Variants in CHD6 observed in about 807,000 individuals in gnomAD.
The protein encoded by CHD6 is chromodomain helicase DNA binding protein 6, also known as ATP-dependent chromatin remodeler CHD6.
CHD6 carries 50 observed loss-of-function variants against 276.9 expected under a neutral mutation model. That is an observed-to-expected ratio of 0.18 (90% CI 0.14 to 0.23). The LOEUF (loss-of-function observed/expected upper bound fraction) is 0.23. CHD6 is among the 10% of genes least tolerant of loss of function. The pLI is 1.00. For synonymous variants in CHD6, 1,173 were observed against 1,229.3 expected, an observed-to-expected ratio of 0.95 and a Z score of 0.96; for missense variants, 2,564 against 3,365.8, an observed-to-expected ratio of 0.76 and a Z score of 5.89.
chr20:41,536,590 A>G lies in CHD6; in HGVS notation c.34-3020T>C, dbSNP rs77597013. ...GAAAATCATCCAGAATAATGAGCGT[A>G]TCTGCTACAGAATCTTCTTCATCAG... On this transcript the variant is annotated intron_variant, in intron 2 of 36. Transcript: ENST00000373233. Among the ~76,000 whole-genome samples the G allele has an allele frequency of 1.1e-4, 17 of 152,380 alleles. No individual in the cohort carries two copies. The East Asian group carries it at 3.1e-3, about 28-fold the overall frequency.
Position 41,458,533 on chromosome 20 carries a change from T to C in CHD6, c.2665-1105A>G, listed in dbSNP as rs746010436. ...TCAACTCTGCAGTATTTGAATGGAC[T>C]GAAGGTATCAGTATGAACTCATGGT... On this transcript the variant is annotated intron_variant, in intron 17 of 36. Transcript: ENST00000373233. 4.5e-4 allele frequency among the ~76,000 whole-genome samples: 69 copies of C among 152,200 alleles called. 1 individual carries two copies. The highest frequency in any genetic ancestry group is 7.2e-4 in the Non-Finnish European group (49 of 68,042).
chr20:41,455,478 A>T (rs2048352957), intron 19 of CHD6, among the ~76,000 whole-genome samples: 1 of 152,230 alleles, frequency 6.6e-6, no homozygotes, highest in Admixed American at 6.5e-5. Flanking sequence ...GAAGTGCTCT[A>T]CAAGGGAATC....
At position 41,462,824 on chromosome 20, in the gene CHD6, T is replaced by C. The variant is rs373280956; in HGVS notation, c.2665-5396A>G. Reference sequence around the variant, plus strand: ...TGCATATTTATAGTCTCTCTTTCTGTGTGTATTCCAGCTATGTCCACTGAG... The same window carrying C: ...TGCATATTTATAGTCTCTCTTTCTGCGTGTATTCCAGCTATGTCCACTGAG... On this transcript the variant is annotated intron_variant, in intron 17 of 36. Transcript: ENST00000373233. Among the ~76,000 whole-genome samples the C allele has an allele frequency of 1.5e-3, 236 of 152,344 alleles. 2 individuals are homozygous for C. The highest frequency in any genetic ancestry group is 5.4e-3 in the African/African-American group (223 of 41,588).
At chr20:41,556,035 C>A (rs1370327368) in intron 1 of CHD6, among the ~76,000 whole-genome samples, 1 of 152,148 alleles carries the variant, frequency 6.6e-6, no homozygotes, top group African/African-American at 2.4e-5. Flanking sequence ...GGATCACTCG[C>A]GGTTAGGAGC....
Position 41,413,448 on chromosome 20 carries a change from G to A in CHD6, c.7007C>T (p.Thr2336Ile). The A allele has an allele frequency of 1.9e-6, 3 of 1,611,280 alleles. No individual in the cohort carries two copies. Among genetic ancestry groups the A allele is most frequent in the African/African-American group, 1.3e-5 (1 of 74,986 alleles). ...TGCCGTAGCTGGCTCAGGAGCCGAG[G>A]TGGCAGGCCCTGGCCCCTCAGGGTG... Reference protein sequence around the residue: ...TTHPEGPGPATSAPEPATAAS... With the variant: ...TTHPEGPGPAISAPEPATAAS... The change falls in exon 35 of 37, where the codon ACC becomes ATC. Residue 2336 changes from threonine to isoleucine, a missense_variant. By Grantham distance (89) the Thr-to-Ile change is moderately conservative (BLOSUM62 -1). Coordinates refer to ENST00000373233, the MANE Select transcript of CHD6 (RefSeq NM_032221.5).
In CHD6 at chr20:41,406,997, CAATGGTG is replaced by C. The variant is rs1419157019; in HGVS notation, c.7252-1515_7252-1509del. On this transcript the variant is annotated intron_variant, in intron 36 of 36. Transcript: ENST00000373233. ...TTTATCCCCTTCCCTTTGATTACAGCAATGGTGAAGCAAAATGTTCAGAGTGGCTTCA... is the reference window on the plus strand; with the variant it reads ...TTTATCCCCTTCCCTTTGATTACAGCAAGCAAAATGTTCAGAGTGGCTTCA... Among the ~76,000 whole-genome samples, 348 of 152,282 alleles carry C rather than the reference CAATGGTG, an allele frequency of 2.3e-3. 1 individual carries two copies. Among genetic ancestry groups the C allele is most frequent in the African/African-American group, 7.8e-3 (323 of 41,562 alleles).
Position 41,556,000 on chromosome 20 carries a change from G to A in CHD6, c.-23-4640C>T, listed in dbSNP as rs1051124294. Among the ~76,000 whole-genome samples the A allele has an allele frequency of 7.9e-5, 12 of 152,358 alleles. No individual in the cohort carries two copies. In the East Asian group the frequency reaches 1.5e-3, roughly 20 times the overall value. On this transcript the variant is annotated intron_variant, in intron 1 of 36. Transcript: ENST00000373233. Reference sequence around the variant, plus strand: ...TGAGCCAGACTCCGTCTGCAATCCCGGCACCTCGGGAGGCCGAGGCTGGCG... The same window carrying A: ...TGAGCCAGACTCCGTCTGCAATCCCAGCACCTCGGGAGGCCGAGGCTGGCG...
chr20:41,495,528 A>T (rs772878047), intron 8 of CHD6, among the ~76,000 whole-genome samples: 2 of 152,164 alleles, frequency 1.3e-5, no homozygotes, highest in Non-Finnish European at 2.9e-5. Flanking sequence ...AGTTCTGGAG[A>T]CCTAATGCAT....
intron 17 of CHD6, among the ~76,000 whole-genome samples, chr20:41,469,077 T>G (rs1441988112): frequency 6.6e-6 from 1 of 152,098 alleles, no homozygotes; most frequent in Non-Finnish European, 1.5e-5. Flanking sequence ...CAATACCTCT[T>G]CCCCTCGGAG....
chr20:41,595,458 C>G (rs990989923), intron 1 of CHD6, among the ~76,000 whole-genome samples: 2 of 152,030 alleles, frequency 1.3e-5, no homozygotes, highest in Admixed American at 6.6e-5. Flanking sequence ...GGAAGCGGCC[C>G]AAGAAGGATG....
intron 3 of CHD6, among the ~76,000 whole-genome samples, chr20:41,527,655 A>G (rs2044575654): frequency 1.3e-5 from 2 of 152,210 alleles, no homozygotes; most frequent in South Asian, 4.1e-4. Flanking sequence ...CAGGAAGAAA[A>G]AAATGAAATT....
chr20:41,555,135 G>T (rs369929081), intron 1 of CHD6, among the ~76,000 whole-genome samples: 1 of 127,138 alleles, frequency 7.9e-6, no homozygotes, highest in South Asian at 2.6e-4. Context: ...CTCCCCGACG[G>T]GGCGGCTGGC....
chr20:41,467,561 GAAAA>G (rs11472253), intron 17 of CHD6, among the ~76,000 whole-genome samples: 1 of 39,144 alleles, frequency 2.6e-5, no homozygotes, highest in Non-Finnish European at 4.7e-5. Context: ...TTCTGACAAT[GAAAA>G]AAAAAAAAAA....
chr20:41,491,588 T>C lies in CHD6; in HGVS notation c.1436+110A>G, dbSNP rs2043556693. The C allele has an allele frequency of 1.7e-5, 20 of 1,195,916 alleles. No homozygotes were observed. In the South Asian group the frequency reaches 2.4e-4, roughly 14 times the overall value. The allele number at this position is 1,195,916 out of a possible 1,614,324, so 74.1% of individuals were successfully genotyped here. A position where few individuals can be genotyped will look rare whatever the true frequency, so the allele number is the denominator to read the frequency against. ...TGCAAAGACTACCACCCTAAATTGA[T>C]GGCCATGCTGCTCCCTCTCACCAGT... On this transcript the variant is annotated intron_variant, in intron 11 of 36. Coordinates refer to ENST00000373233, the MANE Select transcript of CHD6 (RefSeq NM_032221.5).
intron 1 of CHD6, among the ~76,000 whole-genome samples, chr20:41,603,279 T>C (rs991029403): frequency 6.6e-6 from 1 of 151,884 alleles, no homozygotes; most frequent in Non-Finnish European, 1.5e-5. Flanking sequence ...GAGGCGGAGG[T>C]TGCAGTGAGC....
At position 41,415,423 on chromosome 20, in the gene CHD6, T is replaced by G. The variant is rs1311183915; in HGVS notation, c.6702A>C (p.Pro2234=). ...CAATCTTAGGGGTGCTGGCGCTCACTGGGAAAGGGGATGTGGCTCCTGGGG... is the reference window on the plus strand; with the variant it reads ...CAATCTTAGGGGTGCTGGCGCTCACGGGGAAAGGGGATGTGGCTCCTGGGG... The part of the protein sequence containing the change: ...EGSPGATSPF[P]VSASTPKIGA... Residue 2234 remains proline, a synonymous_variant, in exon 34 of 37, where the codon CCA becomes CCC. Coordinates refer to ENST00000373233, the MANE Select transcript of CHD6 (RefSeq NM_032221.5). The G allele has an allele frequency of 6.2e-7, 1 of 1,612,592 alleles. No homozygotes were observed. The highest frequency in any genetic ancestry group is 1.3e-5 in the African/African-American group (1 of 74,888).
At chr20:41,448,903 AT>A (rs57775532) in intron 23 of CHD6, among the ~76,000 whole-genome samples, 3,943 of 143,258 alleles carry the variant, frequency 0.028, 47 homozygotes, top group South Asian at 0.043. Context: ...TTCTGAGAGT[AT>A]TTTTTTTTTT....
At chr20:41,533,682 ACT>A in intron 2 of CHD6, 112 bp from the exon 3 acceptor site, 1 of 960,068 alleles carries the variant, frequency 1.0e-6, no homozygotes, top group East Asian at 2.6e-5. Context: ...CTGAGTTCCC[ACT>A]CTCTGTTAGT....
At chr20:41,418,199 A>C (rs2047065898) in intron 31 of CHD6, among the ~76,000 whole-genome samples, 1 of 152,246 alleles carries the variant, frequency 6.6e-6, no homozygotes, top group Admixed American at 6.5e-5. Flanking sequence ...CAGGTCCTCA[A>C]GATTCTTACA....
Sources: allele counts gnomAD v4.1 joint callset (sites outside exome capture counted in the v4.1 genomes callset), GRCh38; gene constraint gnomAD v4.1.1; transcripts MANE v1.5; gene names NCBI Gene and HGNC (gene_info 2026-07-23, HGNC 2026-07-21).